Variants in ARHGEF26 observed in about 807,000 individuals in gnomAD.
The protein encoded by ARHGEF26 is Rho guanine nucleotide exchange factor 26.
ARHGEF26 carries 59 observed loss-of-function variants against 89.4 expected under a neutral mutation model. The ratio of observed to expected loss-of-function variants is 0.66; its 90% CI spans 0.54 to 0.82. The LOEUF (loss-of-function observed/expected upper bound fraction) is 0.82. Among genes scored for constraint, ARHGEF26 ranks in the 40% least tolerant of loss-of-function variants. The pLI is 0.00. For synonymous variants in ARHGEF26, 500 were observed against 428.4 expected (o/e 1.17, Z -2.06); for missense variants, 1,234 against 1,085.6 (o/e 1.14, Z -1.92).
intron 11 of ARHGEF26, among the ~76,000 whole-genome samples, chr3:154,229,384 T>A (rs1227330544): frequency 6.6e-6 from 1 of 152,176 alleles, no homozygotes; most frequent in Non-Finnish European, 1.5e-5. Flanking sequence ...CAAGAAAGTT[T>A]AAAGTTTTCA....
rs1436168053 is a variant in ARHGEF26, at chr3:154,129,529, A to G, written c.1124-45A>G. On this transcript the variant is annotated intron_variant, in intron 3 of 14. Coordinates refer to ENST00000465093, the MANE Select transcript of ARHGEF26 (RefSeq NM_015595.4). ...ATGTTTATTTAGAACAAGTAACATAATGATTGAGAACAATTAGTGACACAT... is the reference window on the plus strand; with the variant it reads ...ATGTTTATTTAGAACAAGTAACATAGTGATTGAGAACAATTAGTGACACAT... 3.2e-6 allele frequency: 5 copies of G among 1,586,682 alleles called. No individual in the cohort carries two copies. The South Asian group carries it at 5.8e-5, about 18-fold the overall frequency.
chr3:154,142,630 C>T (rs1719450085), intron 4 of ARHGEF26, among the ~76,000 whole-genome samples: 2 of 152,068 alleles, frequency 1.3e-5, no homozygotes, highest in Admixed American at 6.6e-5. Flanking sequence ...CATTCCTATC[C>T]ACTGGTCATT....
At chr3:154,161,210 C>T (rs1440507979) in intron 6 of ARHGEF26, among the ~76,000 whole-genome samples, 2 of 151,588 alleles carry the variant, frequency 1.3e-5, no homozygotes, top group Non-Finnish European at 2.9e-5. Context: ...ATTTTATCAT[C>T]TTTGTTAATG....
chr3:154,220,903 A>G (rs1247350734), intron 10 of ARHGEF26, among the ~76,000 whole-genome samples: 1 of 152,198 alleles, frequency 6.6e-6, no homozygotes, highest in Non-Finnish European at 1.5e-5. Context: ...GGAGAAAAAA[A>G]TAGTTGCAAC....
chr3:154,225,870 C>G lies in ARHGEF26; in HGVS notation c.1950C>G (p.Val650=), dbSNP rs776487938. 2 of 1,602,630 alleles carry G rather than the reference C, an allele frequency of 1.2e-6. No individual in the cohort carries two copies. Among genetic ancestry groups the G allele is most frequent in the Non-Finnish European group, 1.7e-6 (2 of 1,175,800 alleles). ...TCCTTTTGTAGCCTTTTCCTTTAGT[C>G]TCCTCTTCCCGGTGGTTGGTAAAAA... ...LEFKIKPFPL[V]SSSRWLVKRG... is the part of the protein sequence containing the mutation. The change falls in exon 11 of 15, where the codon GTC becomes GTG. Residue 650 remains valine, a synonymous_variant. Transcript: ENST00000465093.
intron 6 of ARHGEF26, among the ~76,000 whole-genome samples, chr3:154,178,326 A>G (rs1044664472): frequency 6.6e-6 from 1 of 152,332 alleles, no homozygotes. Flanking sequence ...AGATTGTGCA[A>G]CCATCACCAG....
chr3:154,130,147 A>ATTTTTTTTTTTTTTTTTTTTTTTTT, intron 4 of ARHGEF26, among the ~76,000 whole-genome samples: 1 of 105,970 alleles, frequency 9.4e-6, no homozygotes, highest in Non-Finnish European at 1.7e-5. Flanking sequence ...TTCCTTGGAA[A>ATTTTTTTTTTTTTTTTTTTTTTTTT]TTTTTTTTTT....
intron 12 of ARHGEF26, among the ~76,000 whole-genome samples, chr3:154,246,805 TGG>T (rs2108293018): frequency 6.6e-6 from 1 of 152,280 alleles, no homozygotes; most frequent in South Asian, 2.1e-4. Context: ...GACCAACTGA[TGG>T]ATTGGATGAG....
intron 8 of ARHGEF26, among the ~76,000 whole-genome samples, chr3:154,193,549 G>A (rs879301702): frequency 2.4e-5 from 2 of 82,896 alleles, no homozygotes; most frequent in East Asian, 3.0e-4. Context: ...TGTTTCTCAT[G>A]TGTGGAAATC....
intron 9 of ARHGEF26, among the ~76,000 whole-genome samples, chr3:154,205,999 A>T (rs994692358): frequency 1.3e-5 from 2 of 152,048 alleles, no homozygotes; most frequent in African/African-American, 2.4e-5. Context: ...CCTTCAGGTG[A>T]TTACTTATTA....
intron 6 of ARHGEF26, chr3:154,187,029 C>A (rs1188361896): frequency 6.7e-6 from 1 of 149,806 alleles, no homozygotes; most frequent in Non-Finnish European, 1.5e-5. Context: ...GTAGATGGGA[C>A]TACAGCTGCG....
At chr3:154,133,362 T>C (rs1718803851) in intron 4 of ARHGEF26, among the ~76,000 whole-genome samples, 1 of 152,094 alleles carries the variant, frequency 6.6e-6, no homozygotes, top group African/African-American at 2.4e-5. Flanking sequence ...GAGGCATTTA[T>C]TTAGTTGGGC....
Position 154,220,442 on chromosome 3 carries a change from G to A in ARHGEF26, c.1935+2484G>A, listed in dbSNP as rs539203944. Among the ~76,000 whole-genome samples, 20 of 152,268 alleles carry A rather than the reference G, an allele frequency of 1.3e-4. No homozygotes were observed. In the East Asian group the frequency reaches 3.3e-3, roughly 25 times the overall value. On this transcript the variant is annotated intron_variant, in intron 10 of 14. Transcript: ENST00000465093. ...GACAGAGAGGGCTGGGGGACTTGGA[G>A]CAGTCTGGCAAGGCTTAATGCCAGA...
intron 5 of ARHGEF26, among the ~76,000 whole-genome samples, chr3:154,150,436 T>C (rs1490303438): frequency 1.3e-5 from 2 of 152,164 alleles, no homozygotes; most frequent in Non-Finnish European, 2.9e-5. Context: ...ATGTATAACA[T>C]ACACACACAT....
chr3:154,140,257 A>G (rs1249277849), intron 4 of ARHGEF26, among the ~76,000 whole-genome samples: 2 of 152,222 alleles, frequency 1.3e-5, no homozygotes, highest in Non-Finnish European at 2.9e-5. Context: ...AATTTCAGAT[A>G]CAGTTTATGT....
At chr3:154,241,231 A>G (rs1056644473) in intron 12 of ARHGEF26, among the ~76,000 whole-genome samples, 3 of 152,140 alleles carry the variant, frequency 2.0e-5, no homozygotes, top group Admixed American at 1.3e-4. Flanking sequence ...TGACTGACCA[A>G]TGTTTTTGTT....
intron 4 of ARHGEF26, among the ~76,000 whole-genome samples, chr3:154,133,592 A>G (rs564855915): frequency 1.6e-4 from 24 of 151,918 alleles, no homozygotes; most frequent in Admixed American, 7.2e-4. Context: ...TACCAGTATC[A>G]TGCTGTTTGG....
chr3:154,246,128 G>A (rs919125517), intron 12 of ARHGEF26, among the ~76,000 whole-genome samples: 2 of 152,190 alleles, frequency 1.3e-5, no homozygotes, highest in Admixed American at 6.5e-5. Context: ...GGGGGGTGGT[G>A]AGGATAGGTA....
chr3:154,253,323 A>G (rs960930724), intron 13 of ARHGEF26, 140 bp downstream of exon 13: 26 of 904,660 alleles, frequency 2.9e-5, no homozygotes, highest in Non-Finnish European at 4.2e-5. Flanking sequence ...TACACCAAAA[A>G]TGTATGATCC....
Sources: gnomAD v4.1 joint callset for allele counts (sites outside exome capture counted in the v4.1 genomes callset) on GRCh38, gnomAD v4.1.1 for gene constraint, MANE v1.5 for transcripts, NCBI Gene and HGNC (gene_info 2026-07-23, HGNC 2026-07-21) for gene names.